Variants in ITPKB observed in about 807,000 individuals in gnomAD.
ITPKB encodes the protein IP3 3-kinase B.
ITPKB carries 13 observed loss-of-function variants against 69.4 expected under a neutral mutation model. The observed-to-expected ratio is 0.19, with a 90% CI of 0.12 to 0.30. The LOEUF (loss-of-function observed/expected upper bound fraction) is 0.30, where lower values mean the gene tolerates loss of function less well. Among genes scored for constraint, ITPKB ranks in the 10% least tolerant of loss-of-function variants. The probability of loss-of-function intolerance (pLI) is 1.00; values close to 1 mark genes in which losing one functional copy is unlikely to be tolerated. For synonymous variants in ITPKB, 584 were observed against 513.7 expected, an observed-to-expected ratio of 1.14 and a Z score of -1.85; for missense variants, 1,240 against 1,250.5, an observed-to-expected ratio of 0.99 and a Z score of 0.13.
intron 2 of ITPKB, among the ~76,000 whole-genome samples, chr1:226,702,145 C>T (rs899613914): frequency 6.6e-6 from 1 of 152,110 alleles, no homozygotes; most frequent in African/African-American, 2.4e-5. Flanking sequence ...CCTGGAATCC[C>T]AGCACTTTGG....
intron 2 of ITPKB, among the ~76,000 whole-genome samples, chr1:226,705,911 G>C (rs940003227): frequency 6.6e-6 from 1 of 152,234 alleles, no homozygotes; most frequent in Non-Finnish European, 1.5e-5. Context: ...GAAAGCACTT[G>C]TAGAGCCATC....
intron 2 of ITPKB, among the ~76,000 whole-genome samples, chr1:226,687,539 T>TG (rs1656244572): frequency 6.6e-6 from 1 of 152,014 alleles, no homozygotes; most frequent in South Asian, 2.1e-4. Flanking sequence ...AGACCAAGGG[T>TG]GCTGCCCGCT....
chr1:226,687,826 G>A lies in ITPKB; in HGVS notation c.1933-39055C>T, dbSNP rs139362349. ...CTTTTGTGTGTGGCTCTCTACTCAA[G>A]ACCATAGGGATGGAGGTAAAAAGAT... On this transcript the variant is annotated intron_variant, in intron 2 of 7. Transcript: ENST00000429204. Among the ~76,000 whole-genome samples, 302 of 152,276 alleles carry A rather than the reference G, an allele frequency of 2.0e-3. 3 individuals are homozygous for A. The highest frequency in any genetic ancestry group is 6.8e-3 in the Middle Eastern group (2 of 294).
intron 2 of ITPKB, chr1:226,707,935 G>A (rs766128389): frequency 7.5e-7 from 1 of 1,327,508 alleles, no homozygotes; most frequent in Non-Finnish European, 9.9e-7. Flanking sequence ...GAAGAAAAGA[G>A]GTCATTTTAA....
intron 2 of ITPKB, among the ~76,000 whole-genome samples, chr1:226,694,502 G>A (rs1010587119): frequency 1.3e-5 from 2 of 152,126 alleles, no homozygotes; most frequent in Admixed American, 6.5e-5. Context: ...GATGAACTGG[G>A]TACCCACAGA....
chr1:226,668,595 C>G (rs762190628), intron 2 of ITPKB, among the ~76,000 whole-genome samples: 1 of 152,224 alleles, frequency 6.6e-6, no homozygotes, highest in African/African-American at 2.4e-5. Context: ...AACTGAAGAA[C>G]AGGACTTTGT....
Position 226,634,215 on chromosome 1 carries a change from G to A in ITPKB, c.*456C>T, listed in dbSNP as rs531713164. The A allele has an allele frequency of 6.3e-6, 1 of 159,560 alleles. No individual in the cohort carries two copies. Among genetic ancestry groups the A allele is most frequent in the East Asian group, 1.8e-4 (1 of 5,410 alleles). The allele number at this position is 159,560 out of a possible 1,614,324, so 9.9% of individuals were successfully genotyped here. A position where few individuals can be genotyped will look rare whatever the true frequency, so the allele number is the denominator to read the frequency against. On this transcript the variant is annotated 3_prime_UTR_variant, in exon 8 of 8. Transcript: ENST00000429204. The surrounding 1 kb of genome is among the most constrained non-coding windows in gnomAD (Gnocchi z 6.3). ...GCTCCCAGCCAGGGACCAGGAACCCGGCCGGCCCCCTGGGCTCTCCGGTGG... is the reference window on the plus strand; with the variant it reads ...GCTCCCAGCCAGGGACCAGGAACCCAGCCGGCCCCCTGGGCTCTCCGGTGG...
intron 2 of ITPKB, among the ~76,000 whole-genome samples, chr1:226,665,738 G>A (rs1669487393): frequency 6.6e-6 from 1 of 152,118 alleles, no homozygotes; most frequent in Admixed American, 6.5e-5. Flanking sequence ...CTGTGGTCGT[G>A]GCTGAGCAGT....
rs781770888 is a variant in ITPKB, at chr1:226,736,803, C to T, written c.656G>A (p.Arg219Lys). The change falls in exon 2 of 8, where the codon AGG (arginine) becomes AAG (lysine). Residue 219 changes from arginine (R) to lysine (K), a missense_variant. Around this residue, in one of 2 missense-constraint regions of ITPKB, gnomAD observed 992 missense variants for 853.8 expected, o/e 1.16. Transcript: ENST00000429204. ...GGAGCATAGGCTGGGCCCTCCTTTCCTCCCGGAGTCGGTTCCTGAAGTCTC... is the reference window on the plus strand; with the variant it reads ...GGAGCATAGGCTGGGCCCTCCTTTCTTCCCGGAGTCGGTTCCTGAAGTCTC... The part of the protein sequence containing the change: ...CPETSGTDSG[R>K]KGGPSLCSSQ... 3.7e-6 allele frequency: 6 copies of T among 1,613,068 alleles called. No homozygotes were observed. The highest frequency in any genetic ancestry group is 4.2e-6 in the Non-Finnish European group (5 of 1,180,030).
intron 7 of ITPKB, among the ~76,000 whole-genome samples, chr1:226,635,657 T>C (rs770138477): frequency 2.6e-4 from 40 of 152,274 alleles, no homozygotes; most frequent in East Asian, 9.6e-4. Flanking sequence ...GCGTCCAAAC[T>C]ATCCCGGGGC....
chr1:226,681,261 C>G (rs1656087609), intron 2 of ITPKB, among the ~76,000 whole-genome samples: 1 of 152,122 alleles, frequency 6.6e-6, no homozygotes, highest in South Asian at 2.1e-4. Context: ...CCACCTAGAA[C>G]CAGCCCTTTT....
At chr1:226,639,735 C>A in intron 5 of ITPKB, 77 bp from the exon 6 acceptor site, 2 of 964,826 alleles carry the variant, frequency 2.1e-6, no homozygotes, top group South Asian at 2.6e-5. Flanking sequence ...CCACCCAACA[C>A]CACAGAGCAG....
intron 2 of ITPKB, among the ~76,000 whole-genome samples, chr1:226,679,277 C>G (rs1656009468): frequency 6.6e-6 from 1 of 152,228 alleles, no homozygotes. Context: ...CTCCCCTCTT[C>G]CCTTTTCTGC....
At chr1:226,683,417 C>T (rs1473038107) in intron 2 of ITPKB, among the ~76,000 whole-genome samples, 1 of 152,166 alleles carries the variant, frequency 6.6e-6, no homozygotes, top group Non-Finnish European at 1.5e-5. Flanking sequence ...CTGGATTCAT[C>T]GGTAAGAAAA....
rs1668977175 is a variant in ITPKB, at chr1:226,642,226, C to T, written c.2247-101G>A. ...GATGAAGGTTTGGGGCGTGTGTTGCCCAACAGCTGCAGTCAGCTCAGTGCC... is the reference window on the plus strand; with the variant it reads ...GATGAAGGTTTGGGGCGTGTGTTGCTCAACAGCTGCAGTCAGCTCAGTGCC... On this transcript the variant is annotated intron_variant, in intron 4 of 7. Coordinates refer to ENST00000429204, the MANE Select transcript of ITPKB (RefSeq NM_002221.4). The surrounding 1 kb of genome is among the most constrained non-coding windows in gnomAD (Gnocchi z 6.4). 5.3e-6 allele frequency: 5 copies of T among 935,328 alleles called. No individual in the cohort carries two copies. The highest frequency in any genetic ancestry group is 1.6e-5 in the African/African-American group (1 of 61,064). The allele number at this position is 935,328 out of a possible 1,614,324, so 57.9% of individuals were successfully genotyped here. A position where few individuals can be genotyped will look rare whatever the true frequency, so the allele number is the denominator to read the frequency against.
intron 2 of ITPKB, among the ~76,000 whole-genome samples, chr1:226,714,228 T>C (rs1177755842): frequency 1.3e-5 from 2 of 152,212 alleles, no homozygotes; most frequent in African/African-American, 2.4e-5. Context: ...AAGTGGTAAG[T>C]GTTGCTTGTC....
intron 4 of ITPKB, among the ~76,000 whole-genome samples, chr1:226,643,980 T>C (rs1669014221): frequency 6.6e-6 from 1 of 152,166 alleles, no homozygotes; most frequent in Non-Finnish European, 1.5e-5. Context: ...CATCCATGTG[T>C]GTACTGTGTA....
rs1314131551 is a variant in ITPKB, at chr1:226,641,614, C to A, written c.2451+307G>T. 6.6e-6 allele frequency among the ~76,000 whole-genome samples: 1 copy of A among 152,232 alleles called. No individual in the cohort carries two copies. Among genetic ancestry groups the A allele is most frequent in the Non-Finnish European group, 1.5e-5 (1 of 68,038 alleles). On this transcript the variant is annotated intron_variant, in intron 5 of 7. Transcript: ENST00000429204. The surrounding 1 kb of genome is among the most constrained non-coding windows in gnomAD (Gnocchi z 4.6). Reference sequence around the variant, plus strand: ...AATGAACCAGCTACCCCACAGGCATCCCGCAGGTGCCTCTCGCCTGGCTTT... The same window carrying A: ...AATGAACCAGCTACCCCACAGGCATACCGCAGGTGCCTCTCGCCTGGCTTT...
intron 2 of ITPKB, among the ~76,000 whole-genome samples, chr1:226,695,903 G>A (rs566398618): frequency 2.0e-5 from 3 of 152,260 alleles, no homozygotes; most frequent in Admixed American, 6.5e-5. Context: ...AGGGAAGCGG[G>A]GAGGAGGGGG....
Sources: allele counts gnomAD v4.1 joint callset (sites outside exome capture counted in the v4.1 genomes callset), GRCh38; gene constraint gnomAD v4.1.1; regional missense constraint gnomAD v4.1.1; non-coding constraint Gnocchi (gnomAD v3.1); transcripts MANE v1.5; gene names NCBI Gene and HGNC (gene_info 2026-07-23, HGNC 2026-07-21).